The following RBFOX1 variants were observed in gnomAD, a reference collection of about 807,000 sequenced individuals.
RBFOX1 encodes RNA binding protein fox-1 homolog 1.
A neutral mutation model predicts 57.7 loss-of-function variants in RBFOX1; 8 were observed. That is an observed-to-expected ratio of 0.14 (90% confidence interval 0.08 to 0.25). RBFOX1 has a LOEUF of 0.25. RBFOX1 is among the 10% of genes least tolerant of loss of function. RBFOX1 has a pLI of 1.00. For missense variants in RBFOX1, 611 were observed against 548.5 expected (o/e 1.11, Z -1.14); for synonymous variants, 326 against 222.4 (o/e 1.47, Z -4.15).
intron 4 of RBFOX1, among the ~76,000 whole-genome samples, chr16:7,481,411 T>C (rs2063906769): frequency 6.6e-6 from 1 of 152,222 alleles, no homozygotes; most frequent in Non-Finnish European, 1.5e-5. Flanking sequence ...ATTCAGATAC[T>C]TCTCATAATA....
chr16:6,722,641 C>T (rs1005846874), intron 3 of RBFOX1, among the ~76,000 whole-genome samples: 2 of 152,260 alleles, frequency 1.3e-5, no homozygotes, highest in South Asian at 2.1e-4. Flanking sequence ...TTGAAAATAT[C>T]CAACTGGAAA....
At chr16:5,898,310 G>A (rs958431506) in intron 4 of RBFOX1, among the ~76,000 whole-genome samples, 3 of 152,008 alleles carry the variant, frequency 2.0e-5, no homozygotes, top group African/African-American at 7.2e-5. Flanking sequence ...ATTTGGGTGG[G>A]GACATGGCCA....
At chr16:6,492,732 A>G (rs1388013561) in intron 2 of RBFOX1, among the ~76,000 whole-genome samples, 6 of 152,220 alleles carry the variant, frequency 3.9e-5, no homozygotes, top group Non-Finnish European at 8.8e-5. Flanking sequence ...GAAATACCTA[A>G]GTAGGGTGAT....
At chr16:7,125,445 G>A (rs1479404063) in intron 4 of RBFOX1, among the ~76,000 whole-genome samples, 1 of 152,170 alleles carries the variant, frequency 6.6e-6, no homozygotes, top group Non-Finnish European at 1.5e-5. Context: ...TAAACGTCCA[G>A]TTTTCTGTTA....
At position 7,518,348 on chromosome 16, in the gene RBFOX1, C is replaced by A. The variant is rs759270947; in HGVS notation, c.229C>A (p.Pro77Thr). ...CGCCCAGACGCACTCCGAGCAGAGC[C>A]CGGCGGACACGAGCGCTCAGACCGT... The part of the protein sequence containing the change: ...PPAQTHSEQS[P>T]ADTSAQTVSG... Residue 77 changes from proline to threonine, a missense_variant, in exon 5 of 16, where the codon CCG (proline) becomes ACG (threonine). Physicochemically the swap from Pro to Thr is conservative, Grantham distance 38. Transcript: ENST00000550418. The A allele has an allele frequency of 1.2e-5, 19 of 1,613,418 alleles. 1 individual carries two copies. In the South Asian group the frequency reaches 2.1e-4, roughly 18 times the overall value.
At chr16:7,279,164 T>C (rs2095496373) in intron 4 of RBFOX1, among the ~76,000 whole-genome samples, 2 of 151,424 alleles carry the variant, frequency 1.3e-5, no homozygotes, top group Admixed American at 1.3e-4. Flanking sequence ...TCTTTGGCCA[T>C]GGGGGACCCC....
chr16:5,915,431 A>G lies in RBFOX1; in HGVS notation c.351+48096A>G, dbSNP rs146013859. ...TAAATGATGTTCATTCATCCATTCAATGAACACTTTAGTGCCTACTTATTC... is the reference window on the plus strand; with the variant it reads ...TAAATGATGTTCATTCATCCATTCAGTGAACACTTTAGTGCCTACTTATTC... On this transcript the variant is annotated intron_variant, in intron 4 of 19. Transcript: ENST00000641259. Among the ~76,000 whole-genome samples the G allele has an allele frequency of 2.5e-3, 378 of 152,328 alleles. 2 individuals carry two copies. Among genetic ancestry groups the G allele is most frequent in the African/African-American group, 8.7e-3 (363 of 41,582 alleles).
chr16:7,190,900 T>G (rs1205141623), intron 4 of RBFOX1, among the ~76,000 whole-genome samples: 1 of 152,306 alleles, frequency 6.6e-6, no homozygotes, highest in East Asian at 1.9e-4. Context: ...TAGAGAATCA[T>G]GAAGGAAGCA....
intron 5 of RBFOX1, among the ~76,000 whole-genome samples, chr16:7,564,055 C>A (rs534991748): frequency 2.0e-4 from 30 of 152,228 alleles, no homozygotes; most frequent in African/African-American, 7.0e-4. Context: ...CAGCTGTGGA[C>A]TGAATTGTGT....
At chr16:7,530,828 C>T (rs1332486326) in intron 5 of RBFOX1, among the ~76,000 whole-genome samples, 1 of 152,192 alleles carries the variant, frequency 6.6e-6, no homozygotes, top group African/African-American at 2.4e-5. Context: ...GTAAGCCAGA[C>T]AGTCTGGAGA....
intron 2 of RBFOX1, among the ~76,000 whole-genome samples, chr16:6,474,119 G>C (rs915685417): frequency 6.6e-6 from 1 of 152,086 alleles, no homozygotes; most frequent in Non-Finnish European, 1.5e-5. Context: ...GTGTCCATTT[G>C]TGTATGCAGT....
intron 4 of RBFOX1, among the ~76,000 whole-genome samples, chr16:5,893,705 C>T (rs1555561271): frequency 6.6e-6 from 1 of 151,770 alleles, no homozygotes; most frequent in African/African-American, 2.4e-5. Flanking sequence ...GCTATGGAGG[C>T]TGAGACATAA....
At chr16:5,384,132 T>A (rs1254038533) in intron 1 of RBFOX1, among the ~76,000 whole-genome samples, 1 of 152,166 alleles carries the variant, frequency 6.6e-6, no homozygotes, top group East Asian at 1.9e-4. Context: ...TGGCTTTGAT[T>A]GGGTCATGTG....
chr16:5,647,542 G>A (rs931683520), intron 3 of RBFOX1, among the ~76,000 whole-genome samples: 1 of 152,142 alleles, frequency 6.6e-6, no homozygotes, highest in Non-Finnish European at 1.5e-5. Flanking sequence ...CTGAGCAAAT[G>A]TTAGTCTCTG....
chr16:6,185,521 G>C (rs925807822), intron 1 of RBFOX1, among the ~76,000 whole-genome samples: 7 of 152,172 alleles, frequency 4.6e-5, no homozygotes, highest in Non-Finnish European at 1.0e-4. Context: ...TCCCCAGCCT[G>C]TCTCTTTCCA....
chr16:6,274,913 C>T (rs2075629773), intron 1 of RBFOX1, among the ~76,000 whole-genome samples: 1 of 152,098 alleles, frequency 6.6e-6, no homozygotes, highest in African/African-American at 2.4e-5. Context: ...GAGAAGGAAC[C>T]AGTTCTGTCT....
rs541857676 is a variant in RBFOX1, at chr16:5,440,572, T to C, written c.220-26644T>C. 2.0e-5 allele frequency among the ~76,000 whole-genome samples: 3 copies of C among 152,272 alleles called. No individual in the cohort carries two copies. In the East Asian group the frequency reaches 5.8e-4, roughly 29 times the overall value. On this transcript the variant is annotated intron_variant, in intron 1 of 2. Coordinates refer to the RBFOX1 transcript ENST00000585867. Reference sequence around the variant, plus strand: ...GCTGAGGCCAGATTGGAACTCTCCATGGCTCTAGGTAAACAGTCAATATTT... The same window carrying C: ...GCTGAGGCCAGATTGGAACTCTCCACGGCTCTAGGTAAACAGTCAATATTT...
chr16:7,702,091 C>G (rs1236074300), intron 14 of RBFOX1, among the ~76,000 whole-genome samples: 3 of 152,094 alleles, frequency 2.0e-5, no homozygotes, highest in Non-Finnish European at 4.4e-5. Flanking sequence ...AAAATCTTGG[C>G]CATAATTACC....
At chr16:5,992,951 A>G in intron 4 of RBFOX1, among the ~76,000 whole-genome samples, 1 of 152,156 alleles carries the variant, frequency 6.6e-6, no homozygotes, top group South Asian at 2.1e-4. Flanking sequence ...GAAAGAAAAA[A>G]AAGATTTGCA....
Sources: allele counts gnomAD v4.1 joint callset (sites outside exome capture counted in the v4.1 genomes callset), GRCh38; gene constraint gnomAD v4.1.1; transcripts MANE v1.5; gene names NCBI Gene and HGNC (gene_info 2026-07-23, HGNC 2026-07-21).